LINGO2: variants seen among roughly 807,000 people sequenced by gnomAD.
The protein encoded by LINGO2 is leucine rich repeat and Ig domain containing 2, also known as leucine-rich repeat and immunoglobulin-like domain-containing nogo receptor-interacting protein 2.
In LINGO2, 14 loss-of-function variants were observed where a neutral mutation model predicts 30.6. The ratio of observed to expected loss-of-function variants is 0.46; its 90% confidence interval spans 0.30 to 0.72. The LOEUF (loss-of-function observed/expected upper bound fraction) is 0.72. LINGO2 is among the 30% of genes least tolerant of loss of function. LINGO2 has a pLI of 0.07. For missense variants in LINGO2, 729 were observed against 751.7 expected (o/e 0.97, Z 0.35); for synonymous variants, 317 against 288.5 (o/e 1.10, Z -1.00).
At chr9:29,173,041 G>C in the LINGO2 span, among the ~76,000 whole-genome samples, 1 of 151,938 alleles carries the variant, frequency 6.6e-6, no homozygotes, top group Non-Finnish European at 1.5e-5. Context: ...ATCACAATTT[G>C]GGGTCTGAAG....
the LINGO2 span, among the ~76,000 whole-genome samples, chr9:28,946,879 G>A: frequency 6.6e-6 from 1 of 151,982 alleles, no homozygotes; most frequent in Non-Finnish European, 1.5e-5. Flanking sequence ...GACTCACAGA[G>A]ACAGAGTACA....
chr9:28,541,485 A>T (rs1029282025), intron 1 of LINGO2, among the ~76,000 whole-genome samples: 2 of 152,198 alleles, frequency 1.3e-5, no homozygotes, highest in Non-Finnish European at 2.9e-5. Flanking sequence ...GAATAGAAAA[A>T]CAAGAGCAAT....
At chr9:28,934,728 G>A in the LINGO2 span, among the ~76,000 whole-genome samples, 4 of 152,098 alleles carry the variant, frequency 2.6e-5, no homozygotes, top group African/African-American at 9.6e-5. Context: ...ACAATAGAGA[G>A]CTCCATTTAT....
chr9:29,189,390 G>A, the LINGO2 span, among the ~76,000 whole-genome samples: 1 of 151,014 alleles, frequency 6.6e-6, no homozygotes, highest in African/African-American at 2.4e-5. Flanking sequence ...CGGTTGCCGG[G>A]CAGAGGGTCT....
chr9:28,240,042 A>G (rs1251496835), intron 4 of LINGO2, among the ~76,000 whole-genome samples: 3 of 152,168 alleles, frequency 2.0e-5, no homozygotes, highest in Non-Finnish European at 4.4e-5. Flanking sequence ...AATAGCCACA[A>G]ATAAAATAAA....
chr9:28,410,824 A>G (rs762646497), intron 2 of LINGO2, among the ~76,000 whole-genome samples: 9 of 152,152 alleles, frequency 5.9e-5, no homozygotes, highest in Non-Finnish European at 1.3e-4. Flanking sequence ...ATAAAATATG[A>G]AAACTCAATC....
the LINGO2 span, among the ~76,000 whole-genome samples, chr9:29,178,007 C>A: frequency 6.6e-6 from 1 of 150,956 alleles, no homozygotes; most frequent in East Asian, 1.9e-4. Context: ...CTATCCCTTC[C>A]ATTTTTTTTT....
At chr9:29,212,428 G>A in the LINGO2 span, among the ~76,000 whole-genome samples, 1 of 151,912 alleles carries the variant, frequency 6.6e-6, no homozygotes, top group African/African-American at 2.4e-5. Context: ...CAGGGAGCCG[G>A]CCAAGCGGCA....
At chr9:28,017,708 A>G (rs1049771703) in intron 4 of LINGO2, among the ~76,000 whole-genome samples, 7 of 152,216 alleles carry the variant, frequency 4.6e-5, no homozygotes, top group Non-Finnish European at 7.3e-5. Context: ...TAAAGAAATC[A>G]GAGATGACAC....
intron 2 of LINGO2, among the ~76,000 whole-genome samples, chr9:28,404,926 G>GTGTGTGTGTGTGTGTT (rs1554717019): frequency 1.6e-3 from 239 of 150,932 alleles, no homozygotes; most frequent in African/African-American, 4.7e-3. Flanking sequence ...GTGTGTGTGT[G>GTGTGTGTGTGTGTGTT]TAAAATTCCA....
chr9:28,310,698 C>T (rs989206368), intron 3 of LINGO2, among the ~76,000 whole-genome samples: 26 of 152,192 alleles, frequency 1.7e-4, no homozygotes, highest in African/African-American at 6.0e-4. Context: ...AAAGTGTACA[C>T]TTTAAGTATA....
At chr9:28,701,163 A>G in the LINGO2 span, among the ~76,000 whole-genome samples, 10 of 151,998 alleles carry the variant, frequency 6.6e-5, no homozygotes, top group African/African-American at 1.9e-4. Context: ...AATTTTAATC[A>G]AACCCAGATT....
the LINGO2 span, among the ~76,000 whole-genome samples, chr9:29,007,995 T>C: frequency 2.6e-5 from 4 of 152,170 alleles, no homozygotes; most frequent in Admixed American, 2.6e-4. Context: ...GTTACATATG[T>C]ATACATGTGC....
At chr9:28,838,443 A>AT in the LINGO2 span, among the ~76,000 whole-genome samples, 2 of 152,198 alleles carry the variant, frequency 1.3e-5, no homozygotes, top group South Asian at 4.1e-4. Context: ...TATGTTACGT[A>AT]TTGAATAGAC....
the LINGO2 span, among the ~76,000 whole-genome samples, chr9:29,158,724 G>A: frequency 0.042 from 6,462 of 152,070 alleles, 198 homozygotes; most frequent in Admixed American, 0.08. Context: ...AAGGAGATAC[G>A]TCTGTGTGTG....
the LINGO2 span, among the ~76,000 whole-genome samples, chr9:28,992,774 T>C: frequency 6.6e-6 from 1 of 151,972 alleles, no homozygotes. Flanking sequence ...ACTGGGTACA[T>C]AACGAAATGA....
chr9:27,958,299 ACTTT>A (rs1819676710), intron 5 of LINGO2, among the ~76,000 whole-genome samples: 1 of 152,134 alleles, frequency 6.6e-6, no homozygotes, highest in African/African-American at 2.4e-5. Flanking sequence ...GATAAACCTT[ACTTT>A]GTCATTTATT....
chr9:28,379,647 A>G (rs1821266794), intron 2 of LINGO2, among the ~76,000 whole-genome samples: 1 of 152,106 alleles, frequency 6.6e-6, no homozygotes, highest in South Asian at 2.1e-4. Flanking sequence ...ACAAACACGA[A>G]TGCTATTGTA....
At chr9:27,941,844 TC>T in the LINGO2 span, 1 of 152,214 alleles carries the variant, frequency 6.6e-6, no homozygotes, top group African/African-American at 2.4e-5. Flanking sequence ...TAAAGTTGTT[TC>T]TCTTTTTATT....
Sources: gnomAD v4.1 joint callset for allele counts (sites outside exome capture counted in the v4.1 genomes callset) on GRCh38, gnomAD v4.1.1 for gene constraint, MANE v1.5 for transcripts, NCBI Gene and HGNC (gene_info 2026-07-23, HGNC 2026-07-21) for gene names.